The following ALDH7A1 variants were observed in gnomAD, a reference collection of about 807,000 sequenced individuals.
ALDH7A1 encodes alpha-aminoadipic semialdehyde dehydrogenase.
In ALDH7A1, 63 loss-of-function variants were observed where a neutral mutation model predicts 79.9. The ratio of observed to expected loss-of-function variants is 0.79; its 90% CI spans 0.64 to 0.97. ALDH7A1 has a LOEUF of 0.97. ALDH7A1 is among the 50% of genes least tolerant of loss of function. ALDH7A1 has a pLI of 0.00. For synonymous variants in ALDH7A1, 240 were observed against 231.2 expected, an observed-to-expected ratio of 1.04 and a Z score of -0.34; for missense variants, 627 against 665.2, an observed-to-expected ratio of 0.94 and a Z score of 0.63.
chr5:126,553,978 T>C (rs1357701348), intron 13 of ALDH7A1, among the ~76,000 whole-genome samples: 1 of 146,940 alleles, frequency 6.8e-6, no homozygotes, highest in African/African-American at 2.5e-5. Context: ...TGTGGTGACA[T>C]GCACCTGTAA....
intron 7 of ALDH7A1, among the ~76,000 whole-genome samples, chr5:126,572,485 T>G (rs1750809312): frequency 6.6e-6 from 1 of 152,240 alleles, no homozygotes; most frequent in Non-Finnish European, 1.5e-5. Flanking sequence ...TAACTTTAAG[T>G]TGAACTCTAG....
chr5:126,580,647 A>C (rs1378067439), intron 5 of ALDH7A1, among the ~76,000 whole-genome samples: 1 of 152,188 alleles, frequency 6.6e-6, no homozygotes, highest in East Asian at 1.9e-4. Context: ...CCATCATGGA[A>C]ATTTAGAAAA....
chr5:126,576,120 G>A (rs1357689415), intron 6 of ALDH7A1, among the ~76,000 whole-genome samples: 3 of 151,946 alleles, frequency 2.0e-5, no homozygotes, highest in South Asian at 2.1e-4. Flanking sequence ...AAAATTAGCC[G>A]GGCGTGGTGG....
intron 3 of ALDH7A1, chr5:126,586,098 T>A (rs1204819200): frequency 6.6e-6 from 1 of 152,212 alleles, no homozygotes; most frequent in Non-Finnish European, 1.5e-5. Flanking sequence ...GTAAGTAAAC[T>A]TTTGCTTAAA....
intron 17 of ALDH7A1, 90 bp downstream of exon 17, chr5:126,546,234 G>A: frequency 1.7e-6 from 2 of 1,178,088 alleles, no homozygotes; most frequent in Non-Finnish European, 2.6e-6. Flanking sequence ...AAATGACACT[G>A]CACAAAGACA....
At position 126,556,239 on chromosome 5, in the gene ALDH7A1, CTT is replaced by C. The variant is rs35367836; in HGVS notation, c.1009-226_1009-225del. Among the ~76,000 whole-genome samples the C allele has an allele frequency of 0.048, 4,700 of 97,552 alleles. 134 individuals are homozygous for C. The highest frequency in any genetic ancestry group is 0.17 in the African/African-American group (4,439 of 25,878). The allele number at this position is 97,552 out of a possible 152,430, so 64.0% of individuals were successfully genotyped here. A position where few individuals can be genotyped will look rare whatever the true frequency, so the allele number is the denominator to read the frequency against. The stretch of plus-strand genomic sequence containing the variant: ...AATAGAATAAAATCATAAGCCATGT[CTT>C]TTTTTTTTTTTTTTTTTTTGAGACA... On this transcript the variant is annotated intron_variant, in intron 11 of 17. Transcript: ENST00000409134.
chr5:126,546,183 A>G, intron 17 of ALDH7A1, 141 bp downstream of exon 17: 1 of 792,428 alleles, frequency 1.3e-6, no homozygotes, highest in African/African-American at 1.7e-5. Flanking sequence ...CCAAATAGAT[A>G]CTTAGAGGAG....
chr5:126,590,844 C>T (rs1030340277), intron 3 of ALDH7A1, among the ~76,000 whole-genome samples: 2 of 149,646 alleles, frequency 1.3e-5, no homozygotes, highest in Non-Finnish European at 2.9e-5. Flanking sequence ...AAGATTGGGC[C>T]ACTGCACTCC....
intron 1 of ALDH7A1, among the ~76,000 whole-genome samples, chr5:126,594,700 C>G (rs1561673841): frequency 6.6e-6 from 1 of 152,076 alleles, no homozygotes. Flanking sequence ...CCCGCCTAGG[C>G]CTCCCAAAGT....
intron 3 of ALDH7A1, chr5:126,587,458 T>C (rs1163885117): frequency 6.6e-6 from 1 of 151,754 alleles, no homozygotes; most frequent in Non-Finnish European, 1.5e-5. Flanking sequence ...GCCAACGTGG[T>C]GAAACCCCAT....
At chr5:126,564,696 G>C (rs1750510001) in intron 9 of ALDH7A1, 5 of 525,780 alleles carry the variant, frequency 9.5e-6, no homozygotes. Flanking sequence ...TGCAATCATT[G>C]AATTAATGAC....
intron 17 of ALDH7A1, 59 bp from the exon 18 acceptor site, chr5:126,545,078 C>T: frequency 7.7e-7 from 1 of 1,292,514 alleles, no homozygotes; most frequent in Non-Finnish European, 1.1e-6. Flanking sequence ...GATTTTCATG[C>T]CCACTTTTAA....
chr5:126,553,069 T>G (rs544846322), intron 13 of ALDH7A1, among the ~76,000 whole-genome samples: 1 of 149,142 alleles, frequency 6.7e-6, no homozygotes, highest in Non-Finnish European at 1.5e-5. Context: ...TTTTAATGCT[T>G]ATGATATGTA....
Position 126,550,274 on chromosome 5 carries a change from G to T in ALDH7A1, c.1337C>A (p.Ala446Glu). The T allele has an allele frequency of 6.2e-7, 1 of 1,612,642 alleles. No individual in the cohort carries two copies. Among genetic ancestry groups the T allele is most frequent in the Non-Finnish European group, 8.5e-7 (1 of 1,179,002 alleles). ...FKFKNEEEVF[A>E]WNNEVKQGLS... ...TCCCTGTTTTACTTCATTATTCCAT[G>T]CAAAGACCTCTTCTTCATTCTAAAA... The change falls in exon 15 of 18, where the codon GCA becomes GAA. Residue 446 changes from alanine (A) to glutamate (E), a missense_variant. Transcript: ENST00000409134.
chr5:126,577,001 G>A, intron 6 of ALDH7A1, 78 bp downstream of exon 6: 8 of 1,582,720 alleles, frequency 5.1e-6, no homozygotes, highest in Non-Finnish European at 6.9e-6. Flanking sequence ...CCCAGTTACT[G>A]AAGAGGCTGA....
At chr5:126,584,696 A>C (rs1464769641) in intron 3 of ALDH7A1, among the ~76,000 whole-genome samples, 2 of 148,354 alleles carry the variant, frequency 1.3e-5, no homozygotes, top group Admixed American at 6.7e-5. Context: ...AGTGGTAACA[A>C]GGGAAACAGC....
At chr5:126,571,816 G>A (rs781640882) in intron 7 of ALDH7A1, among the ~76,000 whole-genome samples, 3 of 152,038 alleles carry the variant, frequency 2.0e-5, no homozygotes, top group Non-Finnish European at 4.4e-5. Flanking sequence ...ATTGGGGAAG[G>A]GGAAGGGATC....
chr5:126,550,095 T>G lies in ALDH7A1; in HGVS notation c.1416-93A>C, dbSNP rs113618356. 1.6e-4 allele frequency: 251 copies of G among 1,552,306 alleles called. No individual in the cohort carries two copies. In the African/African-American group the frequency reaches 2.9e-3, roughly 18 times the overall value. Reference sequence around the variant, plus strand: ...AAATCTAAACCAAAGCTCAAAGGCTTTCAATACTGAAAAACTGATTTTAGA... The same window carrying G: ...AAATCTAAACCAAAGCTCAAAGGCTGTCAATACTGAAAAACTGATTTTAGA... On this transcript the variant is annotated intron_variant, in intron 15 of 17. Coordinates refer to ENST00000409134, the MANE Select transcript of ALDH7A1 (RefSeq NM_001182.5).
At chr5:126,591,244 ACT>A (rs1371148516) in intron 3 of ALDH7A1, among the ~76,000 whole-genome samples, 1 of 152,150 alleles carries the variant, frequency 6.6e-6, no homozygotes, top group Non-Finnish European at 1.5e-5. Context: ...TACCTAGCAC[ACT>A]GTTTACTTGT....
Sources: allele counts gnomAD v4.1 joint callset (sites outside exome capture counted in the v4.1 genomes callset), GRCh38; gene constraint gnomAD v4.1.1; transcripts MANE v1.5; gene names NCBI Gene and HGNC (gene_info 2026-07-23, HGNC 2026-07-21).